ATG7: variants seen among roughly 807,000 people sequenced by gnomAD.
ATG7 encodes the protein ubiquitin-like modifier-activating enzyme ATG7.
ATG7 carries 70 observed loss-of-function variants against 82.4 expected under a neutral mutation model. That is an observed-to-expected ratio of 0.85 (90% CI 0.70 to 1.04). ATG7 has a LOEUF of 1.04. Among genes scored for constraint, ATG7 ranks in the 50% least tolerant of loss-of-function variants. ATG7 has a pLI of 0.00. For missense variants in ATG7, 792 were observed against 864.3 expected (o/e 0.92, Z 1.05); for synonymous variants, 287 against 313.0 (o/e 0.92, Z 0.88).
At chr3:11,542,223 A>G (rs1053976020) in intron 20 of ATG7, among the ~76,000 whole-genome samples, 4 of 152,258 alleles carry the variant, frequency 2.6e-5, no homozygotes, top group African/African-American at 4.8e-5. Context: ...GTGCTTGGAC[A>G]AGCCCTTGCA....
At chr3:11,551,765 T>C (rs990138368) in intron 20 of ATG7, among the ~76,000 whole-genome samples, 1 of 149,388 alleles carries the variant, frequency 6.7e-6, no homozygotes, top group African/African-American at 2.5e-5. Context: ...TTTTTTTTTC[T>C]CGAGGCAGGG....
chr3:11,545,478 C>T (rs941019480), intron 20 of ATG7, among the ~76,000 whole-genome samples: 1 of 151,982 alleles, frequency 6.6e-6, no homozygotes, highest in Non-Finnish European at 1.5e-5. Context: ...GGAGAGTCTC[C>T]ACGGCCTGCA....
intron 3 of ATG7, among the ~76,000 whole-genome samples, chr3:11,297,598 A>G (rs1946152666): frequency 6.6e-6 from 1 of 152,200 alleles, no homozygotes; most frequent in Non-Finnish European, 1.5e-5. Flanking sequence ...AATTTATTAG[A>G]TGATTCGAAG....
chr3:11,277,763 G>A (rs1942128630), intron 1 of ATG7, among the ~76,000 whole-genome samples: 2 of 152,012 alleles, frequency 1.3e-5, no homozygotes, highest in South Asian at 4.2e-4. Flanking sequence ...GAACTGGTCT[G>A]ACCTCAAATT....
At chr3:11,382,794 T>G (rs1359060216) in intron 19 of ATG7, among the ~76,000 whole-genome samples, 1 of 152,220 alleles carries the variant, frequency 6.6e-6, no homozygotes, top group Admixed American at 6.5e-5. Flanking sequence ...TGGGTAACTT[T>G]CTATTGATAT....
chr3:11,391,307 T>G (rs1393767800), intron 19 of ATG7, among the ~76,000 whole-genome samples: 1 of 152,230 alleles, frequency 6.6e-6, no homozygotes, highest in Non-Finnish European at 1.5e-5. Context: ...AGGAGCTTAA[T>G]TATTAACCTA....
At chr3:11,527,391 G>A (rs1416968497) in intron 20 of ATG7, among the ~76,000 whole-genome samples, 1 of 152,056 alleles carries the variant, frequency 6.6e-6, no homozygotes, top group African/African-American at 2.4e-5. Context: ...GAGCCACCAC[G>A]CCTGGCCTTT....
At chr3:11,472,810 TG>T (rs1361109570) in intron 20 of ATG7, among the ~76,000 whole-genome samples, 6 of 151,988 alleles carry the variant, frequency 3.9e-5, no homozygotes, top group Admixed American at 3.9e-4. Flanking sequence ...CCAGTGTTTG[TG>T]CTGGAGACTT....
intron 14 of ATG7, among the ~76,000 whole-genome samples, chr3:11,349,838 C>A (rs1224364993): frequency 6.6e-6 from 1 of 152,176 alleles, no homozygotes; most frequent in South Asian, 2.1e-4. Flanking sequence ...TAGCTTTTTG[C>A]TCTAGCTGCT....
intron 20 of ATG7, among the ~76,000 whole-genome samples, chr3:11,548,736 T>A (rs975945729): frequency 1.3e-5 from 2 of 152,182 alleles, no homozygotes; most frequent in African/African-American, 4.8e-5. Context: ...GTAGTCCAGG[T>A]GTGGATGTGC....
rs2080881856 is a variant in ATG7, at chr3:11,411,436, C to T, written c.1957-15368C>T. Among the ~76,000 whole-genome samples the T allele has an allele frequency of 2.0e-5, 3 of 151,724 alleles. No individual in the cohort carries two copies. The South Asian group carries it at 6.2e-4, about 32-fold the overall frequency. On this transcript the variant is annotated intron_variant, in intron 19 of 20. Transcript: ENST00000693202. The stretch of plus-strand genomic sequence containing the variant: ...GTCAAGAGATGGAGACCATCCTGGC[C>T]AACATGGTGAAACCCCGTCTCTAAA...
intron 19 of ATG7, among the ~76,000 whole-genome samples, chr3:11,384,622 T>C (rs79531179): frequency 0.071 from 10,769 of 152,242 alleles, 553 homozygotes; most frequent in African/African-American, 0.15. Context: ...TTTTTTGATA[T>C]TATATAATCC....
intron 19 of ATG7, among the ~76,000 whole-genome samples, chr3:11,392,636 G>C (rs1447195177): frequency 1.3e-5 from 2 of 152,088 alleles, no homozygotes; most frequent in Non-Finnish European, 2.9e-5. Flanking sequence ...AAGAGAAACA[G>C]CCTTTCTCTT....
At chr3:11,344,854 GC>G (rs1954252131) in intron 13 of ATG7, among the ~76,000 whole-genome samples, 1 of 152,082 alleles carries the variant, frequency 6.6e-6, no homozygotes, top group Admixed American at 6.6e-5. Context: ...GCGTGATAAA[GC>G]AAGACACTGT....
At chr3:11,327,861 G>C (rs1372883837) in intron 9 of ATG7, among the ~76,000 whole-genome samples, 1 of 152,202 alleles carries the variant, frequency 6.6e-6, no homozygotes, top group African/African-American at 2.4e-5. Flanking sequence ...TGATTCAGCA[G>C]GTCTGGGGAG....
At chr3:11,413,012 G>A (rs777876255) in intron 19 of ATG7, among the ~76,000 whole-genome samples, 84 of 152,012 alleles carry the variant, frequency 5.5e-4, no homozygotes, top group African/African-American at 1.9e-3. Flanking sequence ...GCATAGAAAC[G>A]TAACTGGTTT....
At chr3:11,511,468 T>C (rs3930742) in intron 20 of ATG7, among the ~76,000 whole-genome samples, 6 of 152,304 alleles carry the variant, frequency 3.9e-5, no homozygotes, top group Middle Eastern at 3.4e-3. Flanking sequence ...GGTGTATTTG[T>C]AATCCCTGAG....
intron 20 of ATG7, among the ~76,000 whole-genome samples, chr3:11,481,831 A>T (rs774490165): frequency 7.6e-4 from 116 of 152,210 alleles, no homozygotes; most frequent in Non-Finnish European, 1.4e-3. Flanking sequence ...ATCTTTGTGG[A>T]CCGCAGTTTA....
At chr3:11,407,055 C>T (rs1301823339) in intron 19 of ATG7, among the ~76,000 whole-genome samples, 1 of 152,232 alleles carries the variant, frequency 6.6e-6, no homozygotes, top group Non-Finnish European at 1.5e-5. Context: ...TCTTCTGAGA[C>T]AAGGCAAGTC....
Sources: gnomAD v4.1 joint callset for allele counts (sites outside exome capture counted in the v4.1 genomes callset) on GRCh38, gnomAD v4.1.1 for gene constraint, MANE v1.5 for transcripts, NCBI Gene and HGNC (gene_info 2026-07-23, HGNC 2026-07-21) for gene names.